The following C2orf80 variants were observed in gnomAD, a reference collection of about 807,000 sequenced individuals.
The protein encoded by C2orf80 is uncharacterized protein C2orf80.
Under a neutral mutation model 30.2 loss-of-function variants are expected in C2orf80, and 28 were observed. That is an observed-to-expected ratio of 0.93 (90% CI 0.69 to 1.27). C2orf80 has a LOEUF of 1.27. C2orf80 is among the 50% of genes most tolerant of loss of function. The pLI is 0.00. For missense variants in C2orf80, 220 were observed against 231.0 expected (o/e 0.95, Z 0.31); for synonymous variants, 80 against 76.4 (o/e 1.05, Z -0.24).
In C2orf80 at chr2:208,172,084, A is replaced by G. The variant is rs1338389781; in HGVS notation, c.367-9T>C. ...GATGAAACTCGGGGAACCTGAAAGG[A>G]AAACAGTCCTACTTTTAAAATCTGT... On this transcript the variant is annotated splice_polypyrimidine_tract_variant and intron_variant, in intron 6 of 8. Coordinates refer to ENST00000341287, the MANE Select transcript of C2orf80 (RefSeq NM_001099334.3). 1 of 1,596,292 alleles carries G rather than the reference A, an allele frequency of 6.3e-7. No individual in the cohort carries two copies. Among genetic ancestry groups the G allele is most frequent in the African/African-American group, 1.3e-5 (1 of 74,572 alleles).
At chr2:208,179,703 CTT>C (rs76655685) in intron 6 of C2orf80, among the ~76,000 whole-genome samples, 128 of 146,718 alleles carry the variant, frequency 8.7e-4, no homozygotes, top group Middle Eastern at 3.4e-3. Flanking sequence ...TCAGAACACC[CTT>C]TTTTTTTTTT....
At chr2:208,185,748 A>G (rs1696700249) in intron 2 of C2orf80, among the ~76,000 whole-genome samples, 1 of 152,220 alleles carries the variant, frequency 6.6e-6, no homozygotes, top group Non-Finnish European at 1.5e-5. Context: ...TGGCTTCTGA[A>G]AGCTTTTCTT....
At chr2:208,184,923 T>G (rs765855771) in intron 3 of C2orf80, 28 bp downstream of exon 3, 1 of 1,563,998 alleles carries the variant, frequency 6.4e-7, no homozygotes, top group Non-Finnish European at 8.8e-7. Flanking sequence ...AACACAAATA[T>G]GACTCGCATC....
At chr2:208,167,251 C>T (rs1695924634) in intron 8 of C2orf80, among the ~76,000 whole-genome samples, 2 of 151,918 alleles carry the variant, frequency 1.3e-5, no homozygotes, top group African/African-American at 2.4e-5. Flanking sequence ...TAGCCGGGCG[C>T]GGTGGCTCAT....
intron 8 of C2orf80, chr2:208,168,313 G>A (rs1468206387): frequency 4.8e-5 from 12 of 252,604 alleles, no homozygotes; most frequent in South Asian, 3.7e-5. Flanking sequence ...TTTTTGTCTG[G>A]CTTGAAAATT....
At position 208,165,791 on chromosome 2, in the gene C2orf80, G is replaced by A. The variant is rs745406476; in HGVS notation, c.*16C>T. 2.0e-5 allele frequency: 33 copies of A among 1,611,546 alleles called. No individual in the cohort carries two copies. Among genetic ancestry groups the A allele is most frequent in the Non-Finnish European group, 2.5e-5 (29 of 1,179,354 alleles). ...AGAGAATCTATTATGAAGTTCCATGGTACAATTCCAATTTTCTAAGTGACC... is the reference window on the plus strand; with the variant it reads ...AGAGAATCTATTATGAAGTTCCATGATACAATTCCAATTTTCTAAGTGACC... On this transcript the variant is annotated 3_prime_UTR_variant, in exon 9 of 9. Coordinates refer to ENST00000341287, the MANE Select transcript of C2orf80 (RefSeq NM_001099334.3).
At chr2:208,183,901 C>T (rs1050294706) in intron 3 of C2orf80, among the ~76,000 whole-genome samples, 4 of 152,184 alleles carry the variant, frequency 2.6e-5, no homozygotes, top group Non-Finnish European at 5.9e-5. Flanking sequence ...TACCATTTGT[C>T]TATCAAAATA....
chr2:208,172,040 G>A lies in C2orf80; in HGVS notation c.402C>T (p.His134=), dbSNP rs751291228. The A allele has an allele frequency of 1.2e-6, 2 of 1,613,996 alleles. No homozygotes were observed. The highest frequency in any genetic ancestry group is 1.7e-6 in the Non-Finnish European group (2 of 1,179,900). Residue 134 remains histidine (H), a synonymous_variant, in exon 7 of 9, where the codon CAC becomes CAT. Transcript: ENST00000341287. ...TGGGTGCTGTTAACATGGCAAAGGG[G>A]TGCAAGGAGAGGCAGAGAGATGAAA... ...PRVSSLCLSL[H]PFAMLTAPKA...
chr2:208,174,902 T>C (rs890331310), intron 6 of C2orf80, among the ~76,000 whole-genome samples: 9 of 152,228 alleles, frequency 5.9e-5, no homozygotes, highest in Non-Finnish European at 1.3e-4. Context: ...TCCCTCTTTC[T>C]CCATCAAATG....
chr2:208,165,778 A>G lies in C2orf80; in HGVS notation c.*29T>C, dbSNP rs780727586. The G allele has an allele frequency of 1.9e-6, 3 of 1,612,448 alleles. No individual in the cohort carries two copies. Among genetic ancestry groups the G allele is most frequent in the Non-Finnish European group, 1.7e-6 (2 of 1,179,618 alleles). On this transcript the variant is annotated 3_prime_UTR_variant, in exon 9 of 9. Transcript: ENST00000341287. ...CTCGTCTGCTCCCAGAGAATCTATT[A>G]TGAAGTTCCATGGTACAATTCCAAT...
chr2:208,186,616 A>G (rs1194547095), intron 2 of C2orf80, among the ~76,000 whole-genome samples: 2 of 152,226 alleles, frequency 1.3e-5, no homozygotes, highest in Non-Finnish European at 2.9e-5. Context: ...ACCTTTTACC[A>G]GCAGGGCCAG....
At chr2:208,171,087 A>G (rs368114015) in intron 7 of C2orf80, 24 bp from the exon 8 acceptor site, 14 of 1,504,378 alleles carry the variant, frequency 9.3e-6, no homozygotes, top group Non-Finnish European at 1.1e-5. Flanking sequence ...CAGTAACCAT[A>G]TCTGTATATA....
chr2:208,171,301 A>G (rs1285035239), intron 7 of C2orf80, among the ~76,000 whole-genome samples: 2 of 151,786 alleles, frequency 1.3e-5, no homozygotes, highest in Non-Finnish European at 2.9e-5. Context: ...GGGTGCCACC[A>G]TGGCCAGCTA....
At chr2:208,188,088 G>A (rs980291302) in intron 1 of C2orf80, among the ~76,000 whole-genome samples, 1 of 59,754 alleles carries the variant, frequency 1.7e-5, no homozygotes, top group Non-Finnish European at 3.1e-5. Flanking sequence ...ACTGCACCGT[G>A]TGTGTGTGTG....
intron 3 of C2orf80, 59 bp downstream of exon 3, chr2:208,184,891 TC>T: frequency 7.3e-7 from 1 of 1,367,642 alleles, no homozygotes; most frequent in Non-Finnish European, 1.0e-6. Flanking sequence ...AGATCCTTTT[TC>T]TGTCTCTTTA....
rs1696606882 is a variant in C2orf80, at chr2:208,183,003, A to T, written c.168T>A (p.Asp56Glu). The change falls in exon 4 of 9, where the codon GAT (aspartate) becomes GAA (glutamate). Residue 56 changes from aspartate (D) to glutamate (E), a missense_variant. Transcript: ENST00000341287. Reference protein sequence around the residue: ...LAISVALQWLDPSEDLTWLEW... With the variant: ...LAISVALQWLEPSEDLTWLEW... ...CCAGCCAAGTTAAGTCTTCTGAGGGATCCAGCCATTGCAAAGCAACACTGA... is the reference window on the plus strand; with the variant it reads ...CCAGCCAAGTTAAGTCTTCTGAGGGTTCCAGCCATTGCAAAGCAACACTGA... The T allele has an allele frequency of 1.2e-6, 2 of 1,614,084 alleles. No homozygotes were observed. Among genetic ancestry groups the T allele is most frequent in the Non-Finnish European group, 8.5e-7 (1 of 1,179,968 alleles).
chr2:208,178,052 A>G (rs1696422963), intron 6 of C2orf80, among the ~76,000 whole-genome samples: 1 of 151,954 alleles, frequency 6.6e-6, no homozygotes, highest in Non-Finnish European at 1.5e-5. Flanking sequence ...TCCTGACCTC[A>G]GGTGATCCAC....
intron 4 of C2orf80, among the ~76,000 whole-genome samples, chr2:208,181,679 C>A (rs926472815): frequency 1.3e-5 from 2 of 152,066 alleles, no homozygotes; most frequent in African/African-American, 4.8e-5. Flanking sequence ...GCTGACTACA[C>A]CCCTAGATTC....
intron 8 of C2orf80, among the ~76,000 whole-genome samples, chr2:208,167,089 T>C (rs1165042660): frequency 6.6e-6 from 1 of 152,210 alleles, no homozygotes; most frequent in Non-Finnish European, 1.5e-5. Context: ...ACTCAAGTTA[T>C]TAAGTGGGTA....
Sources: gnomAD v4.1 joint callset for allele counts (sites outside exome capture counted in the v4.1 genomes callset) on GRCh38, gnomAD v4.1.1 for gene constraint, MANE v1.5 for transcripts, NCBI Gene and HGNC (gene_info 2026-07-23, HGNC 2026-07-21) for gene names.